The following NUAK1 variants were observed in gnomAD, a reference collection of about 807,000 sequenced individuals.
The protein encoded by NUAK1 is NUAK family kinase 1.
Under a neutral mutation model 56.9 loss-of-function variants are expected in NUAK1, and 26 were observed. That is an observed-to-expected ratio of 0.46 (90% CI 0.33 to 0.63). NUAK1 has a LOEUF of 0.63. Among genes scored for constraint, NUAK1 ranks in the 30% least tolerant of loss-of-function variants. The probability of loss-of-function intolerance (pLI) is 0.02; values close to 1 mark genes in which losing one functional copy is unlikely to be tolerated. For missense variants in NUAK1, 727 were observed against 876.1 expected, an observed-to-expected ratio of 0.83 and a Z score of 2.15; for synonymous variants, 337 against 336.0, an observed-to-expected ratio of 1.00 and a Z score of -0.03.
At position 106,115,579 on chromosome 12, in the gene NUAK1, C is replaced by G. The variant is rs78215058; in HGVS notation, c.241-9054G>C. On this transcript the variant is annotated intron_variant, in intron 1 of 6. Transcript: ENST00000261402. ...AGAGAAGCTCTCATTGTCCATTATT[C>G]CTAGAGTTAAAAGGCTGGTCCCTCC... Among the ~76,000 whole-genome samples the G allele has an allele frequency of 6.6e-5, 10 of 152,326 alleles. No homozygotes were observed. In the East Asian group the frequency reaches 1.9e-3, roughly 29 times the overall value.
At position 106,110,675 on chromosome 12, in the gene NUAK1, C is replaced by T. The variant is rs910976870; in HGVS notation, c.241-4150G>A. Among the ~76,000 whole-genome samples the T allele has an allele frequency of 3.3e-5, 5 of 152,280 alleles. No individual in the cohort carries two copies. The East Asian group carries it at 7.7e-4, about 24-fold the overall frequency. ...AGGAGGGAACTCAGGTGTTTGAGCCCGACTCACAGTACAGCCACATTCATA... is the reference window on the plus strand; with the variant it reads ...AGGAGGGAACTCAGGTGTTTGAGCCTGACTCACAGTACAGCCACATTCATA... On this transcript the variant is annotated intron_variant, in intron 1 of 6. Transcript: ENST00000261402.
chr12:106,104,962 T>C (rs917578593), intron 2 of NUAK1, among the ~76,000 whole-genome samples: 1 of 151,910 alleles, frequency 6.6e-6, no homozygotes, highest in Non-Finnish European at 1.5e-5. Context: ...TTTTTCTTTT[T>C]TTTTTTTTTT....
intron 1 of NUAK1, among the ~76,000 whole-genome samples, chr12:106,130,901 A>G (rs887927526): frequency 6.6e-6 from 1 of 152,220 alleles, no homozygotes; most frequent in Non-Finnish European, 1.5e-5. Context: ...TCCATAAAAG[A>G]AGAACTATTG....
intron 6 of NUAK1, 58 bp from the exon 7 acceptor site, chr12:106,068,013 T>A (rs556920081): frequency 6.6e-7 from 1 of 1,517,398 alleles, no homozygotes; most frequent in African/African-American, 1.4e-5. Context: ...GGCTTTGTGA[T>A]AGTGGGACCC....
At position 106,064,476 on chromosome 12, in the gene NUAK1, C is replaced by G. The variant is rs1263693448; in HGVS notation, c.*2326G>C. 6.6e-6 allele frequency: 1 copy of G among 152,188 alleles called. No homozygotes were observed. Among genetic ancestry groups the G allele is most frequent in the African/African-American group, 2.4e-5 (1 of 41,446 alleles). 9.4% of individuals were successfully genotyped at this position (152,188 alleles called of 1,614,324 possible). A position where few individuals can be genotyped will look rare whatever the true frequency, so the allele number is the denominator to read the frequency against. On this transcript the variant is annotated 3_prime_UTR_variant, in exon 7 of 7. Coordinates refer to ENST00000261402, the MANE Select transcript of NUAK1 (RefSeq NM_014840.3). ...CTGCCACAGTCCACTGGCTGAGTTTCCTGACAAAAGAGAACACGTGTTTGG... is the reference window on the plus strand; with the variant it reads ...CTGCCACAGTCCACTGGCTGAGTTTGCTGACAAAAGAGAACACGTGTTTGG...
chr12:106,063,894 G>C lies in NUAK1; in HGVS notation c.*2908C>G, dbSNP rs1378041917. 6.6e-6 allele frequency: 1 copy of C among 152,590 alleles called. No individual in the cohort carries two copies. Among genetic ancestry groups the C allele is most frequent in the African/African-American group, 2.4e-5 (1 of 41,432 alleles). The allele number at this position is 152,590 out of a possible 1,614,324, so 9.5% of individuals were successfully genotyped here. A position where few individuals can be genotyped will look rare whatever the true frequency, so the allele number is the denominator to read the frequency against. Reference sequence around the variant, plus strand: ...CCATCATCTGAAGAAGCAGCACCTGGTAACAGGCATGGCCATTCAGAGGGT... The same window carrying C: ...CCATCATCTGAAGAAGCAGCACCTGCTAACAGGCATGGCCATTCAGAGGGT... On this transcript the variant is annotated 3_prime_UTR_variant, in exon 7 of 7. Transcript: ENST00000261402.
At chr12:106,106,997 C>A (rs1214821853) in intron 1 of NUAK1, among the ~76,000 whole-genome samples, 1 of 152,202 alleles carries the variant, frequency 6.6e-6, no homozygotes, top group Non-Finnish European at 1.5e-5. Context: ...TCGAGGCCAG[C>A]TCTGCCTCAA....
Position 106,138,523 on chromosome 12 carries a change from C to G in NUAK1, c.131G>C (p.Arg44Pro), listed in dbSNP as rs1427869585. The G allele has an allele frequency of 6.2e-7, 1 of 1,612,994 alleles. No homozygotes were observed. Among genetic ancestry groups the G allele is most frequent in the Non-Finnish European group, 8.5e-7 (1 of 1,179,830 alleles). ...CTTCAAGTTGTGCTTGTGGTGATGC[C>G]GCTTCACCCCGTGCGGCTTCCTGGG... is the stretch of plus-strand genomic sequence containing the variant. The part of the protein sequence containing the change: ...LEPRKPHGVK[R>P]HHHKHNLKHR... The change falls in exon 1 of 7, where the codon CGG (arginine) becomes CCG (proline). Residue 44 changes from arginine to proline, a missense_variant. Arg to Pro is a moderately radical substitution (Grantham distance 103, BLOSUM62 -2). Transcript: ENST00000261402. The surrounding 1 kb of genome is among the most constrained non-coding windows in gnomAD (Gnocchi z 5.0).
intron 4 of NUAK1, among the ~76,000 whole-genome samples, chr12:106,082,060 C>T (rs2032523260): frequency 6.6e-6 from 1 of 152,174 alleles, no homozygotes; most frequent in Non-Finnish European, 1.5e-5. Flanking sequence ...AAGAAGGCTC[C>T]CAGTATAGTA....
chr12:106,114,968 G>A (rs1034747464), intron 1 of NUAK1, among the ~76,000 whole-genome samples: 3 of 152,168 alleles, frequency 2.0e-5, no homozygotes, highest in Non-Finnish European at 2.9e-5. Flanking sequence ...TGCCAGAGAC[G>A]CTGTTTTCAG....
intron 4 of NUAK1, among the ~76,000 whole-genome samples, chr12:106,082,745 T>C (rs1214688733): frequency 2.6e-5 from 4 of 152,164 alleles, no homozygotes; most frequent in Non-Finnish European, 4.4e-5. Flanking sequence ...TGGTGACTAA[T>C]GGTTGCTGCC....
chr12:106,117,087 A>T (rs985109693), intron 1 of NUAK1, among the ~76,000 whole-genome samples: 5 of 152,062 alleles, frequency 3.3e-5, no homozygotes, highest in Non-Finnish European at 5.9e-5. Flanking sequence ...GCCCCTCCCT[A>T]TTCACTCTCC....
chr12:106,092,445 G>A (rs1474092326), intron 2 of NUAK1, among the ~76,000 whole-genome samples: 1 of 151,936 alleles, frequency 6.6e-6, no homozygotes, highest in Non-Finnish European at 1.5e-5. Context: ...TTGAACCCAG[G>A]AGAAGGAGGT....
intron 1 of NUAK1, 124 bp from the exon 2 acceptor site, chr12:106,106,649 G>C (rs537817447): frequency 2.2e-6 from 2 of 893,852 alleles, no homozygotes; most frequent in Non-Finnish European, 3.3e-6. Context: ...CCAAAACAAA[G>C]CTTGGAAATG....
chr12:106,124,284 T>C (rs982498809), intron 1 of NUAK1, among the ~76,000 whole-genome samples: 18 of 150,768 alleles, frequency 1.2e-4, no homozygotes, highest in Non-Finnish European at 2.5e-4. Flanking sequence ...GTATTTTTCC[T>C]GGAAAATGGG....
intron 1 of NUAK1, among the ~76,000 whole-genome samples, chr12:106,106,935 T>C (rs1351402944): frequency 6.6e-6 from 1 of 152,180 alleles, no homozygotes; most frequent in East Asian, 1.9e-4. Flanking sequence ...TCAGTTCCAC[T>C]GTGCAGCTGC....
intron 2 of NUAK1, among the ~76,000 whole-genome samples, chr12:106,094,457 C>T (rs181129344): frequency 1.3e-5 from 2 of 152,290 alleles, no homozygotes; most frequent in African/African-American, 2.4e-5. Flanking sequence ...AAACTTTCCT[C>T]CCTAGAAGTC....
intron 2 of NUAK1, among the ~76,000 whole-genome samples, chr12:106,087,603 C>T (rs2032586692): frequency 6.6e-6 from 1 of 152,208 alleles, no homozygotes; most frequent in Non-Finnish European, 1.5e-5. Context: ...CATTTCTGAA[C>T]ATTAATAATA....
At chr12:106,074,342 C>A (rs1346086977) in intron 4 of NUAK1, among the ~76,000 whole-genome samples, 1 of 152,132 alleles carries the variant, frequency 6.6e-6, no homozygotes, top group Non-Finnish European at 1.5e-5. Context: ...TTAACAAAAA[C>A]CTGGTTTACA....
Sources: allele counts gnomAD v4.1 joint callset (sites outside exome capture counted in the v4.1 genomes callset), GRCh38; gene constraint gnomAD v4.1.1; non-coding constraint Gnocchi (gnomAD v3.1); transcripts MANE v1.5; gene names NCBI Gene and HGNC (gene_info 2026-07-23, HGNC 2026-07-21).